The following XRN1 variants were observed in gnomAD, a reference collection of about 807,000 sequenced individuals.
The protein encoded by XRN1 is strand-exchange protein 1 homolog.
In XRN1, 67 loss-of-function variants were observed where a neutral mutation model predicts 222.3. The ratio of observed to expected loss-of-function variants is 0.30; its 90% CI spans 0.25 to 0.37. The LOEUF (loss-of-function observed/expected upper bound fraction) is 0.37, where lower values mean the gene tolerates loss of function less well. XRN1 is among the 10% of genes least tolerant of loss of function. The pLI is 1.00. For synonymous variants in XRN1, 643 were observed against 652.4 expected (o/e 0.99, Z 0.22); for missense variants, 1,707 against 2,000.2 (o/e 0.85, Z 2.80).
intron 2 of XRN1, among the ~76,000 whole-genome samples, chr3:142,431,870 T>TAA: frequency 4.7e-5 from 1 of 21,490 alleles, no homozygotes; most frequent in African/African-American, 3.3e-4. Context: ...ATATAATATA[T>TAA]TATATTATAT....
At chr3:142,351,333 C>T (rs1420834166) in intron 32 of XRN1, among the ~76,000 whole-genome samples, 1 of 152,068 alleles carries the variant, frequency 6.6e-6, no homozygotes, top group African/African-American at 2.4e-5. Context: ...ATTCCAATGA[C>T]AAGTGAAGAA....
intron 37 of XRN1, among the ~76,000 whole-genome samples, chr3:142,327,141 TCTC>T (rs1026348910): frequency 3.3e-5 from 5 of 152,116 alleles, no homozygotes; most frequent in African/African-American, 4.8e-5. Flanking sequence ...GGAAGTATTT[TCTC>T]CTCCTCAAGT....
intron 1 of XRN1, among the ~76,000 whole-genome samples, chr3:142,437,574 A>G (rs556918890): frequency 6.6e-6 from 1 of 152,308 alleles, no homozygotes; most frequent in African/African-American, 2.4e-5. Flanking sequence ...CTCTTTCTAC[A>G]TATCTTTACA....
chr3:142,420,796 CTCT>C (rs2068996598), intron 10 of XRN1, among the ~76,000 whole-genome samples: 1 of 151,710 alleles, frequency 6.6e-6, no homozygotes, highest in Non-Finnish European at 1.5e-5. Flanking sequence ...CACAATGTAC[CTCT>C]TCAACAGTAA....
At chr3:142,363,892 C>T (rs1258472079) in intron 29 of XRN1, among the ~76,000 whole-genome samples, 1 of 152,132 alleles carries the variant, frequency 6.6e-6, no homozygotes, top group Non-Finnish European at 1.5e-5. Flanking sequence ...ATTTCACTGA[C>T]ATTTTAACAA....
intron 20 of XRN1, among the ~76,000 whole-genome samples, chr3:142,387,896 C>T (rs1367820124): frequency 1.3e-5 from 2 of 152,118 alleles, no homozygotes; most frequent in African/African-American, 4.8e-5. Context: ...CCCTCTCTTG[C>T]TTCTTTTCTT....
chr3:142,438,304 T>C (rs1045616942), intron 1 of XRN1, among the ~76,000 whole-genome samples: 1 of 144,108 alleles, frequency 6.9e-6, no homozygotes, highest in African/African-American at 2.7e-5. Context: ...AACTCACCCC[T>C]GAGCACAAAG....
intron 1 of XRN1, among the ~76,000 whole-genome samples, chr3:142,434,510 CTTTT>C (rs371969192): frequency 3.1e-5 from 4 of 130,666 alleles, no homozygotes; most frequent in African/African-American, 5.7e-5. Flanking sequence ...TTTTTTTACA[CTTTT>C]TTTTTTTTTT....
chr3:142,330,448 T>C (rs1189294433), intron 36 of XRN1, among the ~76,000 whole-genome samples: 1 of 152,172 alleles, frequency 6.6e-6, no homozygotes, highest in Non-Finnish European at 1.5e-5. Flanking sequence ...AACAAAAGCA[T>C]ACCTCATTGA....
At chr3:142,341,599 T>C (rs2065996100) in intron 33 of XRN1, among the ~76,000 whole-genome samples, 2 of 151,920 alleles carry the variant, frequency 1.3e-5, no homozygotes, top group Admixed American at 1.3e-4. Flanking sequence ...TGAATGTCAA[T>C]GAACTAAACT....
chr3:142,368,502 T>C (rs567576680), intron 27 of XRN1, among the ~76,000 whole-genome samples: 2 of 152,326 alleles, frequency 1.3e-5, no homozygotes, highest in South Asian at 4.1e-4. Context: ...TAAGACGTTG[T>C]ATATGTATCT....
intron 33 of XRN1, among the ~76,000 whole-genome samples, chr3:142,342,849 G>A (rs1002838570): frequency 2.6e-5 from 4 of 152,078 alleles, no homozygotes; most frequent in African/African-American, 9.7e-5. Flanking sequence ...GGGAAACTCC[G>A]ACACTGGACT....
At chr3:142,354,232 G>T (rs1374057216) in intron 32 of XRN1, among the ~76,000 whole-genome samples, 1 of 151,992 alleles carries the variant, frequency 6.6e-6, no homozygotes, top group African/African-American at 2.4e-5. Flanking sequence ...AAAACCACAA[G>T]ACGATACCAT....
intron 27 of XRN1, among the ~76,000 whole-genome samples, chr3:142,369,522 C>G (rs149291627): frequency 1.3e-5 from 2 of 151,592 alleles, no homozygotes; most frequent in East Asian, 3.9e-4. Flanking sequence ...GTGGCAGGTA[C>G]CTGTAATCCC....
At chr3:142,325,570 T>C (rs866482339) in intron 37 of XRN1, among the ~76,000 whole-genome samples, 1 of 152,166 alleles carries the variant, frequency 6.6e-6, no homozygotes, top group African/African-American at 2.4e-5. Flanking sequence ...TGGCTATTAA[T>C]ATCTTGTCAG....
rs2108167777 is a variant in XRN1, at chr3:142,432,688, A to G, written c.281T>C (p.Met94Thr). ...AVDGVAPRAK[M>T]NQQRGRRFRS... The stretch of plus-strand genomic sequence containing the variant: ...AAAACGCCTCCCACGCTGCTGGTTC[A>G]TTTTTGCTCGAGGAGCCACACCATC... The change falls in exon 2 of 41, where the codon ATG (methionine) becomes ACG (threonine). Residue 94 changes from methionine (M) to threonine (T), a missense_variant. Met to Thr is a moderately conservative substitution (Grantham distance 81). Coordinates refer to ENST00000392981, the MANE Select transcript of XRN1 (RefSeq NM_001282857.2). The G allele has an allele frequency of 6.2e-7, 1 of 1,609,220 alleles. No individual in the cohort carries two copies. The highest frequency in any genetic ancestry group is 1.3e-5 in the African/African-American group (1 of 74,972).
intron 22 of XRN1, among the ~76,000 whole-genome samples, chr3:142,382,297 T>G (rs1003214680): frequency 6.6e-6 from 1 of 152,176 alleles, no homozygotes; most frequent in Admixed American, 6.5e-5. Flanking sequence ...TCATAATGGT[T>G]GCACAATGGT....
intron 23 of XRN1, among the ~76,000 whole-genome samples, chr3:142,378,029 T>A (rs2067192924): frequency 6.6e-6 from 1 of 152,160 alleles, no homozygotes; most frequent in South Asian, 2.1e-4. Flanking sequence ...TGCCTTAAAT[T>A]CATTTCACAG....
chr3:142,375,236 G>C (rs542801686), intron 25 of XRN1, among the ~76,000 whole-genome samples: 1 of 152,202 alleles, frequency 6.6e-6, no homozygotes, highest in South Asian at 2.1e-4. Flanking sequence ...TCAAATATAA[G>C]GTTAGAAACC....
Sources: gnomAD v4.1 joint callset for allele counts (sites outside exome capture counted in the v4.1 genomes callset) on GRCh38, gnomAD v4.1.1 for gene constraint, MANE v1.5 for transcripts, NCBI Gene and HGNC (gene_info 2026-07-23, HGNC 2026-07-21) for gene names.